KDM5B: variants seen among roughly 807,000 people sequenced by gnomAD.
KDM5B encodes the protein lysine demethylase 5B, also known as lysine-specific demethylase 5B.
A neutral mutation model predicts 193.4 loss-of-function variants in KDM5B; 144 were observed. The observed-to-expected ratio is 0.74, with a 90% CI of 0.65 to 0.86. The LOEUF (loss-of-function observed/expected upper bound fraction) is 0.86. Ranked by LOEUF, KDM5B falls within the 40% of genes least tolerant of loss-of-function variation. KDM5B has a pLI of 0.00. For missense variants in KDM5B, 1,833 were observed against 1,886.9 expected (o/e 0.97, Z 0.53); for synonymous variants, 668 against 682.6 (o/e 0.98, Z 0.33).
At chr1:202,734,545 A>G (rs1245812127) in intron 22 of KDM5B, among the ~76,000 whole-genome samples, 1 of 152,160 alleles carries the variant, frequency 6.6e-6, no homozygotes, top group Non-Finnish European at 1.5e-5. Context: ...AGATGGACAG[A>G]CTAAAATCTA....
chr1:202,731,985 A>G, intron 23 of KDM5B, 46 bp from the exon 24 acceptor site: 2 of 1,289,064 alleles, frequency 1.6e-6, no homozygotes, highest in East Asian at 2.3e-5. Context: ...TCAGGATTAA[A>G]AATACTCCCA....
rs763411575 is a variant in KDM5B, at chr1:202,733,518, G to A, written c.3792C>T (p.His1264=). Residue 1264 remains histidine, a synonymous_variant, in exon 23 of 27, where the codon CAC becomes CAT. Coordinates refer to ENST00000367265, the MANE Select transcript of KDM5B (RefSeq NM_006618.5). ...CTGACGAAAGCAGTTGCTGGGCTCT[G>A]TGCTGCCAGTTCACGGTTCTTTCAA... The part of the protein sequence containing the change: ...YMIERTVNWQ[H]RAQQLLSSGN... The A allele has an allele frequency of 4.3e-6, 7 of 1,614,160 alleles. No homozygotes were observed. The East Asian group carries it at 1.6e-4, about 36-fold the overall frequency.
chr1:202,730,099 G>A (rs1403025389), intron 25 of KDM5B, 72 bp from the exon 26 acceptor site: 2 of 1,279,794 alleles, frequency 1.6e-6, no homozygotes, highest in Non-Finnish European at 2.1e-6. Context: ...AAGCTAAAGA[G>A]AACATGTAAA....
rs7550852 is a variant in KDM5B at position 202,766,831 on chromosome 1, A to G, written c.711+95T>C. On this transcript the variant is annotated intron_variant, in intron 5 of 26. Transcript: ENST00000367265. ...TGTGAGATTAACAAGGTTCAAAACT[A>G]CAAAGAGCACACACATGAGAGAAAT... The G allele has an allele frequency of 2.6e-4, 358 of 1,363,630 alleles. No individual in the cohort carries two copies. In the African/African-American group the frequency reaches 5.1e-3, roughly 19 times the overall value. 84.5% of individuals were successfully genotyped at this position (1,363,630 alleles called of 1,614,324 possible). A position where few individuals can be genotyped will look rare whatever the true frequency, so the allele number is the denominator to read the frequency against.
chr1:202,804,587 C>CTATAAAGTAAATGTAAACATTTA (rs1415123486), intron 1 of KDM5B, among the ~76,000 whole-genome samples: 1 of 152,096 alleles, frequency 6.6e-6, no homozygotes, highest in African/African-American at 2.4e-5. Context: ...CATTTAAGGG[C>CTATAAAGTAAATGTAAACATTTA]AGTTTTACAC....
At chr1:202,742,072 C>T (rs1390736435) in intron 18 of KDM5B, among the ~76,000 whole-genome samples, 1 of 151,850 alleles carries the variant, frequency 6.6e-6, no homozygotes, top group Admixed American at 6.6e-5. Context: ...GATGGGGTTT[C>T]ACCATATTGG....
chr1:202,796,130 T>C (rs1235485633), intron 1 of KDM5B: 3 of 216,616 alleles, frequency 1.4e-5, no homozygotes, highest in Non-Finnish European at 2.8e-5. Context: ...CCCCTGGACA[T>C]GGTGGAAGGT....
intron 1 of KDM5B, among the ~76,000 whole-genome samples, chr1:202,785,009 C>CAA (rs11445160): frequency 5.7e-4 from 51 of 89,394 alleles, no homozygotes; most frequent in Admixed American, 1.1e-3. Context: ...GAGCCTGTCT[C>CAA]AAAAAAAAAA....
intron 1 of KDM5B, among the ~76,000 whole-genome samples, chr1:202,790,289 G>A (rs1657595568): frequency 6.6e-6 from 1 of 151,560 alleles, no homozygotes; most frequent in African/African-American, 2.4e-5. Context: ...TGAATGGATG[G>A]ATGGCAGGCC....
chr1:202,771,240 G>A (rs373654017), intron 4 of KDM5B, among the ~76,000 whole-genome samples: 1 of 151,878 alleles, frequency 6.6e-6, no homozygotes, highest in South Asian at 2.1e-4. Flanking sequence ...TTTATTTTTT[G>A]AGACAGTCTC....
intron 5 of KDM5B, 118 bp downstream of exon 5, chr1:202,766,808 T>C (rs908257204): frequency 1.4e-4 from 155 of 1,115,832 alleles, no homozygotes; most frequent in Non-Finnish European, 1.9e-4. Flanking sequence ...CATCCCTTTG[T>C]GAGATTAACA....
chr1:202,771,732 C>T (rs2102293551), intron 4 of KDM5B, among the ~76,000 whole-genome samples: 1 of 152,038 alleles, frequency 6.6e-6, no homozygotes, highest in East Asian at 1.9e-4. Flanking sequence ...CAGGCACGCA[C>T]CACCACGCTC....
chr1:202,786,354 T>C (rs1049113305), intron 1 of KDM5B, among the ~76,000 whole-genome samples: 6 of 152,090 alleles, frequency 3.9e-5, no homozygotes, highest in African/African-American at 1.4e-4. Flanking sequence ...TAGATTTCCA[T>C]GCTTAAAGAG....
intron 1 of KDM5B, among the ~76,000 whole-genome samples, chr1:202,789,401 A>G (rs1039397821): frequency 4.6e-5 from 7 of 150,566 alleles, no homozygotes; most frequent in Non-Finnish European, 1.0e-4. Flanking sequence ...GGCGCCTATA[A>G]TCCCAGCTAC....
At chr1:202,801,143 T>C (rs1404838824) in intron 1 of KDM5B, among the ~76,000 whole-genome samples, 4 of 152,186 alleles carry the variant, frequency 2.6e-5, no homozygotes, top group African/African-American at 9.7e-5. Flanking sequence ...AAAGTAACTA[T>C]TCTTTACACT....
At position 202,726,026 on chromosome 1, in the gene KDM5B, C is replaced by T. The variant is rs949057301; in HGVS notation, c.*3010G>A. 1 of 152,182 alleles carries T rather than the reference C, an allele frequency of 6.6e-6. No homozygotes were observed. The highest frequency in any genetic ancestry group is 1.5e-5 in the Non-Finnish European group (1 of 68,030). The allele number at this position is 152,182 out of a possible 1,614,324, so 9.4% of individuals were successfully genotyped here. A position where few individuals can be genotyped will look rare whatever the true frequency, so the allele number is the denominator to read the frequency against. On this transcript the variant is annotated 3_prime_UTR_variant, in exon 27 of 27. Transcript: ENST00000367265. ...CCCATTACAAAGGGCCTTCAGAGTA[C>T]AACCCAAATCAGTAGAGAGCCATGT...
intron 23 of KDM5B, among the ~76,000 whole-genome samples, chr1:202,732,992 G>A (rs978287041): frequency 2.6e-5 from 4 of 152,162 alleles, no homozygotes; most frequent in African/African-American, 4.8e-5. Context: ...GGCAAAAAGC[G>A]ATAAAAGGCA....
chr1:202,789,558 AGGAAAGGAGAAAG>A (rs1004249927), intron 1 of KDM5B, among the ~76,000 whole-genome samples: 1 of 1,308 alleles, frequency 7.6e-4, no homozygotes, highest in African/African-American at 2.7e-3. Flanking sequence ...CAAAGGGAAA[AGGAAAGGAGAAAG>A]GAAAAGGGGA....
At position 202,729,067 on chromosome 1, in the gene KDM5B, C is replaced by G; in HGVS notation, c.4604G>C (p.Cys1535Ser). Reference protein sequence around the residue: ...AEKEDYICVRCTVKDAPSRK With the variant: ...AEKEDYICVRSTVKDAPSRK ...TCGGCTTGGTGCGTCCTTCACAGTA[C>G]AGCGCACACAGATGTAGTCTTCTTT... Residue 1535 changes from cysteine to serine, a missense_variant, in exon 27 of 27, where the codon TGT (cysteine) becomes TCT (serine). Transcript: ENST00000367265. 1.2e-6 allele frequency: 2 copies of G among 1,614,076 alleles called. No individual in the cohort carries two copies. Among genetic ancestry groups the G allele is most frequent in the Non-Finnish European group, 8.5e-7 (1 of 1,180,006 alleles).
Sources: gnomAD v4.1 joint callset for allele counts (sites outside exome capture counted in the v4.1 genomes callset) on GRCh38, gnomAD v4.1.1 for gene constraint, MANE v1.5 for transcripts, NCBI Gene and HGNC (gene_info 2026-07-23, HGNC 2026-07-21) for gene names.